Variants in MYO9B observed in about 807,000 individuals in gnomAD.
The protein encoded by MYO9B is myosin IXB.
In MYO9B, 71 loss-of-function variants were observed where a neutral mutation model predicts 229.5. The observed-to-expected ratio is 0.31, with a 90% confidence interval of 0.26 to 0.38. The LOEUF is 0.38. Ranked by LOEUF, MYO9B falls within the 10% of genes least tolerant of loss-of-function variation. The pLI, the probability that MYO9B is intolerant of heterozygous loss-of-function variation, is 1.00. For synonymous variants in MYO9B, 1,185 were observed against 1,235.8 expected (o/e 0.96, Z 0.86); for missense variants, 2,255 against 2,920.5 (o/e 0.77, Z 5.25).
intron 1 of MYO9B, among the ~76,000 whole-genome samples, chr19:17,085,695 G>A (rs529563366): frequency 1.3e-5 from 2 of 151,830 alleles, no homozygotes; most frequent in African/African-American, 2.4e-5. Context: ...TTTACCGAAT[G>A]TGGACTTGCA....
At chr19:17,156,010 A>C (rs1599376781) in intron 6 of MYO9B, among the ~76,000 whole-genome samples, 1 of 143,744 alleles carries the variant, frequency 7.0e-6, no homozygotes, top group East Asian at 2.1e-4. Context: ...ACAGAGCAAG[A>C]CTCTGTCTCA....
intron 11 of MYO9B, among the ~76,000 whole-genome samples, chr19:17,169,563 AC>A (rs1231621112): frequency 6.6e-6 from 1 of 151,932 alleles, no homozygotes; most frequent in Non-Finnish European, 1.5e-5. Flanking sequence ...AGTTCTTAAA[AC>A]CACAGTAATC....
At chr19:17,191,339 C>T (rs1449160074) in intron 20 of MYO9B, 120 bp downstream of exon 20, 10 of 1,282,342 alleles carry the variant, frequency 7.8e-6, no homozygotes, top group Non-Finnish European at 1.0e-5. Context: ...CTAGGAAATG[C>T]ATTTCTCGGG....
chr19:17,099,778 A>T (rs552594617), intron 1 of MYO9B, among the ~76,000 whole-genome samples: 1 of 143,324 alleles, frequency 7.0e-6, no homozygotes, highest in Admixed American at 7.2e-5. Context: ...AGATAGCGCC[A>T]CTGCAGTCCG....
chr19:17,199,257 C>T (rs1412407784), intron 24 of MYO9B, among the ~76,000 whole-genome samples: 2 of 151,936 alleles, frequency 1.3e-5, no homozygotes, highest in Non-Finnish European at 2.9e-5. Context: ...ATGGCTTGTA[C>T]CTATAATCCC....
At chr19:17,146,833 A>G (rs374833486) in intron 3 of MYO9B, among the ~76,000 whole-genome samples, 3 of 152,214 alleles carry the variant, frequency 2.0e-5, no homozygotes, top group Admixed American at 6.5e-5. Flanking sequence ...CCCACTAACT[A>G]TAGATTCTCA....
chr19:17,107,751 G>A (rs1054455520), intron 2 of MYO9B, among the ~76,000 whole-genome samples: 5 of 152,174 alleles, frequency 3.3e-5, no homozygotes, highest in African/African-American at 7.2e-5. Flanking sequence ...ATGTCTTCAC[G>A]TGGCTTTCTT....
intron 14 of MYO9B, among the ~76,000 whole-genome samples, chr19:17,179,487 T>A (rs1444596924): frequency 7.1e-6 from 1 of 140,526 alleles, no homozygotes; most frequent in African/African-American, 2.7e-5. Context: ...AGTGCAGTGG[T>A]GCGATCTCGG....
At chr19:17,136,901 G>A (rs2072277083) in intron 2 of MYO9B, among the ~76,000 whole-genome samples, 1 of 152,100 alleles carries the variant, frequency 6.6e-6, no homozygotes, top group South Asian at 2.1e-4. Flanking sequence ...AGACCAACCT[G>A]GGTAACACAG....
intron 3 of MYO9B, among the ~76,000 whole-genome samples, chr19:17,148,015 C>T (rs1394213194): frequency 6.6e-6 from 1 of 152,088 alleles, no homozygotes; most frequent in Non-Finnish European, 1.5e-5. Flanking sequence ...ATACTGTCTC[C>T]CATGGAAGCC....
intron 1 of MYO9B, among the ~76,000 whole-genome samples, chr19:17,079,912 C>G (rs975136334): frequency 2.6e-5 from 4 of 152,218 alleles, no homozygotes; most frequent in Non-Finnish European, 5.9e-5. Flanking sequence ...ACAAAGGGCT[C>G]TGTCTCCACA....
chr19:17,195,851 G>A lies in MYO9B; in HGVS notation c.4046+378G>A, dbSNP rs11882299. 0.08 allele frequency among the ~76,000 whole-genome samples: 12,193 copies of A among 152,022 alleles called. 988 individuals carry two copies. Among genetic ancestry groups the A allele is most frequent in the African/African-American group, 0.21 (8,689 of 41,408 alleles). ...AAAGGAGCAGGGGCTTGCTCTGCCT[G>A]AGCCTTAGTAAGCCAAGTGTCAGTG... On this transcript the variant is annotated intron_variant, in intron 22 of 39. Transcript: ENST00000682292. The surrounding 1 kb of genome is among the most constrained non-coding windows in gnomAD (Gnocchi z 4.5).
chr19:17,186,043 G>A (rs778289800), intron 18 of MYO9B, 42 bp downstream of exon 18: 5 of 1,562,112 alleles, frequency 3.2e-6, no homozygotes, highest in East Asian at 2.3e-5. Flanking sequence ...GGCCCATGCC[G>A]GACTCTTAGG....
chr19:17,170,439 C>T (rs1443264515), intron 11 of MYO9B, among the ~76,000 whole-genome samples: 1 of 151,936 alleles, frequency 6.6e-6, no homozygotes, highest in Non-Finnish European at 1.5e-5. Flanking sequence ...ACATCCCCTG[C>T]CTCAAACCTA....
rs141113380 is a variant in MYO9B, at chr19:17,094,015, TTTGTTGTTGTTGTTGTTGTTG to T, written c.-58-7627_-58-7607del. Reference sequence around the variant, plus strand: ...GTAGGCATGAGCCACTGCAGCTGGCTTTGTTGTTGTTGTTGTTGTTGTTGTTGTTGTTGTTGTTAAGACGGA... The same window carrying T: ...GTAGGCATGAGCCACTGCAGCTGGCTTTGTTGTTGTTGTTGTTAAGACGGA... On this transcript the variant is annotated intron_variant, in intron 1 of 39. Coordinates refer to ENST00000682292, the MANE Select transcript of MYO9B (RefSeq NM_004145.4). Among the ~76,000 whole-genome samples the T allele has an allele frequency of 3.4e-5, 5 of 148,636 alleles. 1 individual carries two copies. The South Asian group carries it at 6.5e-4, about 19-fold the overall frequency.
At chr19:17,114,515 A>G (rs2057881424) in intron 2 of MYO9B, among the ~76,000 whole-genome samples, 1 of 152,124 alleles carries the variant, frequency 6.6e-6, no homozygotes, top group South Asian at 2.1e-4. Flanking sequence ...CTGCTCTTCC[A>G]GGTGCACTGA....
At chr19:17,170,575 G>C (rs891675949) in intron 11 of MYO9B, among the ~76,000 whole-genome samples, 1 of 148,240 alleles carries the variant, frequency 6.7e-6, no homozygotes, top group Non-Finnish European at 1.5e-5. Flanking sequence ...ACTTTGGGAG[G>C]CCGAGGTGGA....
chr19:17,123,423 T>TG (rs1367946790), intron 2 of MYO9B, among the ~76,000 whole-genome samples: 1 of 114,692 alleles, frequency 8.7e-6, no homozygotes, highest in Non-Finnish European at 1.8e-5. Context: ...ACAGTAGAAA[T>TG]TTGTGTGTGT....
Position 17,168,017 on chromosome 19 carries a change from C to T in MYO9B, c.1746C>T (p.Ile582=), listed in dbSNP as rs748058751. The stretch of plus-strand genomic sequence containing the variant: ...ACAATGTCGGCTGCATCCATCTCAT[C>T]AGCAAGAAACCCACGGGCCTCTTCT... ...YTDNVGCIHL[I]SKKPTGLFYL... Residue 582 remains isoleucine, a synonymous_variant, in exon 11 of 40, where the codon ATC becomes ATT. Transcript: ENST00000682292. 18 of 1,611,736 alleles carry T rather than the reference C, an allele frequency of 1.1e-5. No individual in the cohort carries two copies. In the Admixed American group the frequency reaches 3.0e-4, roughly 27 times the overall value.
Sources: allele counts gnomAD v4.1 joint callset (sites outside exome capture counted in the v4.1 genomes callset), GRCh38; gene constraint gnomAD v4.1.1; non-coding constraint Gnocchi (gnomAD v3.1); transcripts MANE v1.5; gene names NCBI Gene and HGNC (gene_info 2026-07-23, HGNC 2026-07-21).